DCAF6: variants seen among roughly 807,000 people sequenced by gnomAD.
The protein encoded by DCAF6 is DDB1- and CUL4-associated factor 6.
Under a neutral mutation model 125.1 loss-of-function variants are expected in DCAF6, and 54 were observed. That is an observed-to-expected ratio of 0.43 (90% CI 0.35 to 0.54). DCAF6 has a LOEUF of 0.54. Ranked by LOEUF, DCAF6 falls within the 20% of genes least tolerant of loss-of-function variation. The pLI is 0.01. For missense variants in DCAF6, 934 were observed against 1,161.7 expected (o/e 0.80, Z 2.85); for synonymous variants, 371 against 390.4 (o/e 0.95, Z 0.58).
At chr1:167,953,676 T>C (rs61587457) in intron 2 of DCAF6, among the ~76,000 whole-genome samples, 1 of 152,278 alleles carries the variant, frequency 6.6e-6, no homozygotes, top group East Asian at 1.9e-4. Flanking sequence ...CTTGGCTCAC[T>C]GCAACCTCCG....
the DCAF6 span, among the ~76,000 whole-genome samples, chr1:167,893,368 T>C: frequency 6.6e-6 from 1 of 152,218 alleles, no homozygotes; most frequent in African/African-American, 2.4e-5. Context: ...ATGATCTCTT[T>C]GAAAGTATTG....
chr1:167,904,709 G>A, the DCAF6 span: 6 of 606,812 alleles, frequency 9.9e-6, no homozygotes, highest in Non-Finnish European at 1.8e-5. Context: ...CTTGGGGCTG[G>A]AGAGGATGAG....
At chr1:168,054,689 C>T (rs918568687) in intron 17 of DCAF6, among the ~76,000 whole-genome samples, 2 of 152,146 alleles carry the variant, frequency 1.3e-5, no homozygotes, top group African/African-American at 4.8e-5. Flanking sequence ...ATTTCAGCTT[C>T]ACCCTGTCTG....
chr1:167,901,989 C>A, the DCAF6 span: 2 of 1,613,590 alleles, frequency 1.2e-6, no homozygotes, highest in Non-Finnish European at 1.7e-6. Flanking sequence ...CCTTTCTTAC[C>A]CCTTCTATCT....
intron 21 of DCAF6, among the ~76,000 whole-genome samples, chr1:168,072,083 G>A (rs1693115111): frequency 6.6e-6 from 1 of 151,672 alleles, no homozygotes; most frequent in Admixed American, 6.6e-5. Flanking sequence ...AGATCACGAG[G>A]TCAGGAGATT....
chr1:167,896,699 A>C, the DCAF6 span: 15 of 1,563,604 alleles, frequency 9.6e-6, no homozygotes, highest in Non-Finnish European at 1.3e-5. Context: ...AACCTAAATA[A>C]AAGCAAATGA....
chr1:167,983,323 C>T lies in DCAF6; in HGVS notation c.439-4172C>T, dbSNP rs150373677. 5.9e-5 allele frequency among the ~76,000 whole-genome samples: 9 copies of T among 152,258 alleles called. No homozygotes were observed. The East Asian group carries it at 1.7e-3, about 29-fold the overall frequency. ...TGAAATAAATGGAAAAACATTGTTGCTGTTTGTTGTTGTCATTGCTGTTTG... is the reference window on the plus strand; with the variant it reads ...TGAAATAAATGGAAAAACATTGTTGTTGTTTGTTGTTGTCATTGCTGTTTG... On this transcript the variant is annotated intron_variant, in intron 4 of 21. Transcript: ENST00000367840.
At chr1:167,911,283 T>G in the DCAF6 span, among the ~76,000 whole-genome samples, 1 of 152,356 alleles carries the variant, frequency 6.6e-6, no homozygotes, top group Non-Finnish European at 1.5e-5. Context: ...GTAACTTATC[T>G]TAAAAGCAAA....
the DCAF6 span, among the ~76,000 whole-genome samples, chr1:167,900,714 TAG>T: frequency 6.6e-6 from 1 of 152,290 alleles, no homozygotes; most frequent in African/African-American, 2.4e-5. Flanking sequence ...TGTATTTTAG[TAG>T]AGACGGGGTT....
At chr1:168,033,899 C>CTA (rs1380865489) in intron 12 of DCAF6, among the ~76,000 whole-genome samples, 3 of 152,182 alleles carry the variant, frequency 2.0e-5, no homozygotes, top group Non-Finnish European at 4.4e-5. Context: ...TTTTTCCCCA[C>CTA]TATATTGTGT....
chr1:168,018,413 T>C (rs1257128763), intron 11 of DCAF6, among the ~76,000 whole-genome samples: 1 of 152,198 alleles, frequency 6.6e-6, no homozygotes, highest in African/African-American at 2.4e-5. Context: ...ATCAGTCTTA[T>C]GTGGAAATTC....
At chr1:167,968,832 T>TTTGAATGGAAC (rs1676860044) in intron 3 of DCAF6, among the ~76,000 whole-genome samples, 3 of 152,338 alleles carry the variant, frequency 2.0e-5, no homozygotes, top group African/African-American at 7.2e-5. Context: ...AAGGACTCAG[T>TTTGAATGGAAC]TCCATTGCAT....
chr1:167,880,019 C>T, the DCAF6 span: 21 of 1,022,690 alleles, frequency 2.1e-5, no homozygotes, highest in Non-Finnish European at 2.9e-5. Context: ...GGGCAGGGCT[C>T]ATGTCTCACT....
At chr1:167,940,799 A>T (rs1164602859) in intron 1 of DCAF6, among the ~76,000 whole-genome samples, 1 of 150,470 alleles carries the variant, frequency 6.6e-6, no homozygotes, top group African/African-American at 2.4e-5. Flanking sequence ...AAAAGATAGT[A>T]ATTGATAAAA....
At chr1:167,971,112 C>A (rs959776052) in intron 3 of DCAF6, among the ~76,000 whole-genome samples, 1 of 152,148 alleles carries the variant, frequency 6.6e-6, no homozygotes, top group African/African-American at 2.4e-5. Context: ...TGCTTATACT[C>A]TTCTTTCTTT....
the DCAF6 span, among the ~76,000 whole-genome samples, chr1:167,894,144 A>G: frequency 6.6e-6 from 1 of 152,212 alleles, no homozygotes; most frequent in African/African-American, 2.4e-5. Flanking sequence ...GTTTCCCAAA[A>G]TTCAGTCACA....
chr1:167,971,876 G>C (rs1038070812), intron 3 of DCAF6, among the ~76,000 whole-genome samples: 1 of 151,192 alleles, frequency 6.6e-6, no homozygotes, highest in Admixed American at 6.6e-5. Context: ...TTTTTTTTGA[G>C]ACAGAGTCTT....
At position 167,991,359 on chromosome 1, in the gene DCAF6, G is replaced by C. The variant is rs1429449298; in HGVS notation, c.688+20G>C. 7.5e-6 allele frequency: 12 copies of C among 1,593,908 alleles called. No homozygotes were observed. Among genetic ancestry groups the C allele is most frequent in the Admixed American group, 5.3e-5 (3 of 56,432 alleles). ...CTACAGGTAAGAAGATAATATTAGA[G>C]AAAATATAGGACTGTCAGTTCAAAG... On this transcript the variant is annotated intron_variant, in intron 6 of 21. Coordinates refer to ENST00000367840, the MANE Select transcript of DCAF6 (RefSeq NM_001198956.2).
chr1:167,883,427 T>C, the DCAF6 span: 1 of 1,614,130 alleles, frequency 6.2e-7, no homozygotes, highest in Non-Finnish European at 8.5e-7. Flanking sequence ...ATCCCATAGT[T>C]CACACTTACC....
Sources: allele counts gnomAD v4.1 joint callset (sites outside exome capture counted in the v4.1 genomes callset), GRCh38; gene constraint gnomAD v4.1.1; transcripts MANE v1.5; gene names NCBI Gene and HGNC (gene_info 2026-07-23, HGNC 2026-07-21).